Variants in NRG3 observed in about 807,000 individuals in gnomAD.
The protein encoded by NRG3 is neuregulin 3.
In NRG3, 31 loss-of-function variants were observed where a neutral mutation model predicts 66.9. The observed-to-expected ratio is 0.46, with a 90% confidence interval of 0.35 to 0.63. NRG3 has a LOEUF of 0.63. Among genes scored for constraint, NRG3 ranks in the 20% least tolerant of loss-of-function variants. The pLI is 0.00. For missense variants in NRG3, 910 were observed against 878.9 expected (o/e 1.04, Z -0.45); for synonymous variants, 393 against 359.4 (o/e 1.09, Z -1.06).
chr10:81,918,380 C>T (rs929272423), intron 1 of NRG3, among the ~76,000 whole-genome samples: 1 of 152,142 alleles, frequency 6.6e-6, no homozygotes, highest in Non-Finnish European at 1.5e-5. Flanking sequence ...GGATATCTCT[C>T]TGTTATATGG....
intron 1 of NRG3, among the ~76,000 whole-genome samples, chr10:82,238,911 C>CATATATATATATATATAT (rs1259297077): frequency 1.1e-5 from 1 of 87,888 alleles, no homozygotes; most frequent in African/African-American, 4.4e-5. Flanking sequence ...TAGGTTATAC[C>CATATATATATATATATAT]GTATATATAT....
At chr10:81,918,388 T>A (rs1339004655) in intron 1 of NRG3, among the ~76,000 whole-genome samples, 1 of 152,196 alleles carries the variant, frequency 6.6e-6, no homozygotes, top group Non-Finnish European at 1.5e-5. Context: ...CTCTGTTATA[T>A]GGGCAGAGTA....
chr10:82,624,243 C>T (rs573128601), intron 2 of NRG3, among the ~76,000 whole-genome samples: 78 of 152,208 alleles, frequency 5.1e-4, no homozygotes, highest in Non-Finnish European at 9.7e-4. Context: ...GAAATCTGTA[C>T]ATTTTATTAA....
chr10:81,958,474 G>C (rs1850047239), intron 1 of NRG3, among the ~76,000 whole-genome samples: 1 of 152,168 alleles, frequency 6.6e-6, no homozygotes, highest in Non-Finnish European at 1.5e-5. Context: ...AGAAAAACTT[G>C]AAACTGTCAA....
chr10:82,396,018 G>A (rs72827384), intron 2 of NRG3, among the ~76,000 whole-genome samples: 32,729 of 152,036 alleles, frequency 0.22, 3,878 homozygotes, highest in African/African-American at 0.31. Context: ...TATCAGGAGC[G>A]GTTTGAACAG....
chr10:82,279,120 G>A (rs921561790), intron 1 of NRG3, among the ~76,000 whole-genome samples: 2 of 152,112 alleles, frequency 1.3e-5, no homozygotes, highest in African/African-American at 4.8e-5. Context: ...CAGTAGAGAA[G>A]GTCTCATAAA....
intron 1 of NRG3, among the ~76,000 whole-genome samples, chr10:81,935,623 C>T (rs561563770): frequency 6.6e-6 from 1 of 152,080 alleles, no homozygotes; most frequent in African/African-American, 2.4e-5. Context: ...CCCCTCCCCA[C>T]CTTTGTTGTT....
In NRG3 at chr10:82,686,480, G is replaced by A. The variant is rs116397813; in HGVS notation, c.954-52097G>A. On this transcript the variant is annotated intron_variant, in intron 2 of 8. Coordinates refer to ENST00000372141, the MANE Select transcript of NRG3 (RefSeq NM_001010848.4). Reference sequence around the variant, plus strand: ...TGGGATTATAGGCACGAGCCACCGCGCCCTGCCCCATGTGCTATACTTTTA... The same window carrying A: ...TGGGATTATAGGCACGAGCCACCGCACCCTGCCCCATGTGCTATACTTTTA... 8.2e-3 allele frequency among the ~76,000 whole-genome samples: 1,253 copies of A among 152,158 alleles called. 11 individuals carry two copies. Among genetic ancestry groups the A allele is most frequent in the African/African-American group, 0.028 (1,173 of 41,504 alleles).
intron 1 of NRG3, among the ~76,000 whole-genome samples, chr10:82,248,264 A>AG (rs1564708418): frequency 1.1e-4 from 16 of 152,140 alleles, no homozygotes; most frequent in African/African-American, 3.9e-4. Context: ...GAAATCCTCT[A>AG]TACTGTGGCA....
intron 1 of NRG3, among the ~76,000 whole-genome samples, chr10:82,113,769 T>C (rs2067531811): frequency 6.6e-6 from 1 of 152,192 alleles, no homozygotes; most frequent in Non-Finnish European, 1.5e-5. Context: ...GTGAAGGGTA[T>C]GTGAAAATAC....
chr10:82,062,541 G>A (rs2064215780), intron 1 of NRG3, among the ~76,000 whole-genome samples: 3 of 151,986 alleles, frequency 2.0e-5, no homozygotes, highest in African/African-American at 4.8e-5. Flanking sequence ...GGAAGGCAGA[G>A]GTTGCAGTGA....
At chr10:82,502,363 G>T (rs1043823907) in intron 2 of NRG3, among the ~76,000 whole-genome samples, 2 of 152,098 alleles carry the variant, frequency 1.3e-5, no homozygotes, top group African/African-American at 4.8e-5. Flanking sequence ...CAGTTTAGCA[G>T]CACAACTTCC....
intron 1 of NRG3, among the ~76,000 whole-genome samples, chr10:82,050,476 C>G (rs1263865965): frequency 5.3e-5 from 8 of 151,802 alleles, no homozygotes; most frequent in African/African-American, 1.7e-4. Context: ...GGTAGTTGTT[C>G]AGGATTCTCA....
chr10:82,407,489 T>C (rs1274795048), intron 2 of NRG3, among the ~76,000 whole-genome samples: 1 of 152,168 alleles, frequency 6.6e-6, no homozygotes. Flanking sequence ...AACCTCTGTG[T>C]GGTAGTTAAC....
intron 3 of NRG3, among the ~76,000 whole-genome samples, chr10:82,793,394 G>A (rs11195978): frequency 6.6e-5 from 10 of 152,114 alleles, no homozygotes; most frequent in African/African-American, 1.2e-4. Flanking sequence ...TAGGGAGAGG[G>A]TAGATATGGT....
intron 1 of NRG3, among the ~76,000 whole-genome samples, chr10:82,170,619 G>A (rs528000075): frequency 1.4e-5 from 2 of 140,260 alleles, no homozygotes; most frequent in Admixed American, 1.5e-4. Context: ...GAATAATTGT[G>A]AGAATTGAAT....
chr10:82,326,120 T>C (rs1038625309), intron 1 of NRG3, among the ~76,000 whole-genome samples: 2 of 152,188 alleles, frequency 1.3e-5, no homozygotes, highest in African/African-American at 4.8e-5. Flanking sequence ...TAAATGGCTT[T>C]ATTTCACCTC....
intron 2 of NRG3, among the ~76,000 whole-genome samples, chr10:82,636,956 A>C (rs551183475): frequency 6.6e-6 from 1 of 152,174 alleles, no homozygotes; most frequent in Admixed American, 6.6e-5. Context: ...ACTAAGTAGC[A>C]GATATGTAGG....
At chr10:82,155,311 T>A (rs888178929) in intron 1 of NRG3, among the ~76,000 whole-genome samples, 2 of 151,782 alleles carry the variant, frequency 1.3e-5, no homozygotes, top group African/African-American at 4.8e-5. Context: ...ATGATAGTGT[T>A]GATTTAATCA....
Sources: allele counts gnomAD v4.1 joint callset (sites outside exome capture counted in the v4.1 genomes callset), GRCh38; gene constraint gnomAD v4.1.1; transcripts MANE v1.5; gene names NCBI Gene and HGNC (gene_info 2026-07-23, HGNC 2026-07-21).